Variants in TRIO observed in about 807,000 individuals in gnomAD.
The protein encoded by TRIO is triple functional domain protein.
Under a neutral mutation model 351.9 loss-of-function variants are expected in TRIO, and 58 were observed. The observed-to-expected ratio is 0.16, with a 90% CI of 0.13 to 0.21. The LOEUF is 0.21. Among genes scored for constraint, TRIO ranks in the 10% least tolerant of loss-of-function variants. TRIO has a pLI of 1.00. For synonymous variants in TRIO, 1,758 were observed against 1,595.7 expected, an observed-to-expected ratio of 1.10 and a Z score of -2.42; for missense variants, 3,201 against 4,027.8, an observed-to-expected ratio of 0.79 and a Z score of 5.56.
Position 14,364,829 on chromosome 5 carries a change from C to G in TRIO, c.2754+13C>G. 6.2e-7 allele frequency: 1 copy of G among 1,603,126 alleles called. No individual in the cohort carries two copies. The stretch of plus-strand genomic sequence containing the variant: ...AGAAGTGAAACAGGTGAGCAAACGA[C>G]TGGATGCTTGGGGAGGCTGCGCTAC... On this transcript the variant is annotated intron_variant, in intron 15 of 56. Coordinates refer to ENST00000344204, the MANE Select transcript of TRIO (RefSeq NM_007118.4).
chr5:14,219,486 A>G (rs1241188747), intron 1 of TRIO, among the ~76,000 whole-genome samples: 1 of 152,200 alleles, frequency 6.6e-6, no homozygotes, highest in Non-Finnish European at 1.5e-5. Flanking sequence ...GCGTGTTTGG[A>G]TGGCTCTATC....
chr5:14,461,560 A>T (rs982661863), intron 35 of TRIO, among the ~76,000 whole-genome samples: 1 of 152,182 alleles, frequency 6.6e-6, no homozygotes, highest in African/African-American at 2.4e-5. Flanking sequence ...AACAAAACAG[A>T]TCACCATGCG....
In TRIO at chr5:14,297,106, T is replaced by G; in HGVS notation, c.1211T>G (p.Val404Gly). The change falls in exon 7 of 57, where the codon GTG (valine) becomes GGG (glycine). Residue 404 changes from valine to glycine, a missense_variant. Physicochemically the swap from Val to Gly is moderately radical, Grantham distance 109. Coordinates refer to ENST00000344204, the MANE Select transcript of TRIO (RefSeq NM_007118.4). ...VYVNINRIMSVANRLVESGHY... is the reference protein window; with the variant it reads ...VYVNINRIMSGANRLVESGHY... ...GTAAATATAAACCGCATCATGTCGG[T>G]GGCCAATCGTCTGGTGGAGTCTGGC... 2 of 1,613,770 alleles carry G rather than the reference T, an allele frequency of 1.2e-6. No individual in the cohort carries two copies. Among genetic ancestry groups the G allele is most frequent in the Non-Finnish European group, 1.7e-6 (2 of 1,179,706 alleles).
At chr5:14,458,967 ATATATACATATAAG>A (rs1753574298) in intron 34 of TRIO, among the ~76,000 whole-genome samples, 1 of 152,218 alleles carries the variant, frequency 6.6e-6, no homozygotes, top group East Asian at 1.9e-4. Context: ...ATGAGAAAAT[ATATATACATATAAG>A]TACACAAACA....
chr5:14,451,232 T>C (rs1752827603), intron 34 of TRIO, among the ~76,000 whole-genome samples: 1 of 152,158 alleles, frequency 6.6e-6, no homozygotes, highest in African/African-American at 2.4e-5. Flanking sequence ...GAAGATGCAG[T>C]CCCTGGAAGT....
intron 1 of TRIO, chr5:14,184,044 G>A: frequency 1.5e-6 from 1 of 688,650 alleles, no homozygotes; most frequent in Admixed American, 2.0e-5. Context: ...TAGGAGGACT[G>A]TTGATGGACC....
chr5:14,296,698 C>T (rs760136763), intron 6 of TRIO, among the ~76,000 whole-genome samples: 10 of 152,152 alleles, frequency 6.6e-5, no homozygotes, highest in Non-Finnish European at 1.5e-4. Context: ...CTGGGTCCCT[C>T]AGTTCTCTGT....
In TRIO at chr5:14,330,792, C is replaced by T. The variant is rs769312414; in HGVS notation, c.1746C>T (p.Ile582=). The change falls in exon 10 of 57, where the codon ATC becomes ATT. Residue 582 remains isoleucine, a synonymous_variant. Transcript: ENST00000344204. The stretch of plus-strand genomic sequence containing the variant: ...TTTCATTGTAGGTGCTAGACTGGAT[C>T]GAGAACCACGGAGAAGCATTTCTGA... ...QQDVQQVLDW[I]ENHGEAFLSK... is the part of the protein sequence containing the mutation. 78 of 1,613,848 alleles carry T rather than the reference C, an allele frequency of 4.8e-5. No homozygotes were observed. Among genetic ancestry groups the T allele is most frequent in the Non-Finnish European group, 6.3e-5 (74 of 1,179,944 alleles).
At chr5:14,429,598 AC>A (rs1750925293) in intron 34 of TRIO, among the ~76,000 whole-genome samples, 1 of 152,206 alleles carries the variant, frequency 6.6e-6, no homozygotes, top group Non-Finnish European at 1.5e-5. Flanking sequence ...TTTTACATAC[AC>A]GTTCACACAC....
intron 2 of TRIO, among the ~76,000 whole-genome samples, chr5:14,275,544 TTC>T (rs1735415268): frequency 6.6e-6 from 1 of 151,686 alleles, no homozygotes; most frequent in South Asian, 2.1e-4. Flanking sequence ...TGTGTTTGCT[TTC>T]TCCACCCTGT....
intron 1 of TRIO, among the ~76,000 whole-genome samples, chr5:14,171,972 T>C (rs898646174): frequency 2.0e-5 from 3 of 152,216 alleles, no homozygotes; most frequent in African/African-American, 7.2e-5. Context: ...CATAATCCCA[T>C]TCCTCTTATG....
chr5:14,260,646 A>G (rs917000440), intron 1 of TRIO, among the ~76,000 whole-genome samples: 22 of 152,228 alleles, frequency 1.4e-4, no homozygotes, highest in African/African-American at 5.1e-4. Context: ...TCAGTTAAAA[A>G]TTCTGATGTT....
At chr5:14,322,686 GTTCA>G (rs1451349457) in intron 9 of TRIO, among the ~76,000 whole-genome samples, 1 of 152,220 alleles carries the variant, frequency 6.6e-6, no homozygotes, top group Non-Finnish European at 1.5e-5. Context: ...CTTGTCATCT[GTTCA>G]TTGAGTCAGG....
Position 14,425,155 on chromosome 5 carries a change from A to G in TRIO, c.5203+5134A>G, listed in dbSNP as rs187108911. On this transcript the variant is annotated intron_variant, in intron 34 of 56. Transcript: ENST00000344204. ...TTCACATTGTTATGCAGCCGTCATT[A>G]CCATTCACATCTAGAATTCTTTTTT... is the stretch of plus-strand genomic sequence containing the variant. Among the ~76,000 whole-genome samples, 741 of 152,356 alleles carry G rather than the reference A, an allele frequency of 4.9e-3. 2 individuals carry two copies. Among genetic ancestry groups the G allele is most frequent in the African/African-American group, 0.017 (706 of 41,584 alleles).
chr5:14,492,447 G>T (rs1399763519), intron 48 of TRIO, 120 bp from the exon 49 acceptor site: 17 of 1,380,726 alleles, frequency 1.2e-5, no homozygotes, highest in East Asian at 2.3e-5. Flanking sequence ...CTCGGTGCTT[G>T]CCTGGTGAGC....
chr5:14,380,284 G>T (rs1403966780), intron 20 of TRIO, among the ~76,000 whole-genome samples: 1 of 114,844 alleles, frequency 8.7e-6, no homozygotes, highest in South Asian at 2.4e-4. Flanking sequence ...CCTCCTTCGC[G>T]CCCCGCCTCC....
At chr5:14,462,450 A>C (rs558009054) in intron 35 of TRIO, among the ~76,000 whole-genome samples, 1 of 152,200 alleles carries the variant, frequency 6.6e-6, no homozygotes, top group African/African-American at 2.4e-5. Flanking sequence ...TTGTAGCTCA[A>C]ATTTTTGAGC....
intron 33 of TRIO, among the ~76,000 whole-genome samples, chr5:14,409,575 C>T (rs1356980017): frequency 6.6e-6 from 1 of 151,922 alleles, no homozygotes; most frequent in Admixed American, 6.6e-5. Flanking sequence ...TGGCTCACGC[C>T]TGTAATCCCA....
intron 2 of TRIO, among the ~76,000 whole-genome samples, chr5:14,272,892 A>G (rs1398528426): frequency 1.3e-5 from 2 of 152,230 alleles, no homozygotes; most frequent in African/African-American, 4.8e-5. Flanking sequence ...ATTACAAAGA[A>G]TGAGTAAACT....
Sources: gnomAD v4.1 joint callset for allele counts (sites outside exome capture counted in the v4.1 genomes callset) on GRCh38, gnomAD v4.1.1 for gene constraint, MANE v1.5 for transcripts, NCBI Gene and HGNC (gene_info 2026-07-23, HGNC 2026-07-21) for gene names.